The following TNKS variants were observed in gnomAD, a reference collection of about 807,000 sequenced individuals.
TNKS encodes the protein tankyrase.
In TNKS, 72 loss-of-function variants were observed where a neutral mutation model predicts 135.8. The observed-to-expected ratio is 0.53, with a 90% CI of 0.44 to 0.64. TNKS has a LOEUF of 0.64. TNKS is among the 30% of genes least tolerant of loss of function. TNKS has a pLI of 0.00. For missense variants in TNKS, 1,769 were observed against 1,674.0 expected (o/e 1.06, Z -0.99); for synonymous variants, 849 against 649.3 (o/e 1.31, Z -4.68).
At chr8:9,661,817 A>G (rs1801729009) in intron 3 of TNKS, among the ~76,000 whole-genome samples, 2 of 152,232 alleles carry the variant, frequency 1.3e-5, no homozygotes, top group South Asian at 4.2e-4. Flanking sequence ...ATGGGAGAAA[A>G]TTTTTTGCAA....
chr8:9,634,080 CAT>C (rs35243166), intron 3 of TNKS, among the ~76,000 whole-genome samples: 107,146 of 141,986 alleles, frequency 0.75, 40,673 homozygotes, highest in East Asian at 0.82. Flanking sequence ...CATTTAACTG[CAT>C]ATATATATAT....
intron 5 of TNKS, among the ~76,000 whole-genome samples, chr8:9,694,626 G>A (rs780508879): frequency 2.0e-5 from 3 of 152,014 alleles, no homozygotes; most frequent in Non-Finnish European, 4.4e-5. Context: ...GCCGGGTGTG[G>A]TGGTGGGCGC....
chr8:9,610,298 AAT>A (rs1554448489), intron 2 of TNKS, among the ~76,000 whole-genome samples: 10 of 142,206 alleles, frequency 7.0e-5, no homozygotes, highest in East Asian at 2.2e-4. Context: ...AAAAATCTAT[AAT>A]ATATATATAC....
At chr8:9,718,744 C>G (rs530328185) in intron 11 of TNKS, among the ~76,000 whole-genome samples, 2 of 152,266 alleles carry the variant, frequency 1.3e-5, no homozygotes, top group African/African-American at 2.4e-5. Flanking sequence ...ATGGATAGGT[C>G]AAGCCAGTCT....
chr8:9,733,804 A>G (rs1028517975), intron 15 of TNKS, among the ~76,000 whole-genome samples: 1 of 152,124 alleles, frequency 6.6e-6, no homozygotes, highest in African/African-American at 2.4e-5. Context: ...TGGCTATTTT[A>G]TTATTGTTAA....
chr8:9,579,649 A>G (rs552014303), intron 1 of TNKS, among the ~76,000 whole-genome samples: 94 of 152,090 alleles, frequency 6.2e-4, no homozygotes, highest in Non-Finnish European at 1.0e-3. Flanking sequence ...TTGTGGTTTT[A>G]TTAGAGACGG....
chr8:9,770,252 G>C lies in TNKS; in HGVS notation c.3887G>C (p.Arg1296Thr). 1.2e-6 allele frequency: 2 copies of C among 1,611,994 alleles called. No individual in the cohort carries two copies. Among genetic ancestry groups the C allele is most frequent in the Non-Finnish European group, 1.7e-6 (2 of 1,178,932 alleles). Residue 1296 changes from arginine to threonine, a missense_variant, in exon 26 of 27, where the codon AGA (arginine) becomes ACA (threonine). By Grantham distance (71) the Arg-to-Thr change is moderately conservative. Around this residue, in one of 5 missense-constraint regions of TNKS, gnomAD observed 722 missense variants for 688.9 expected, o/e 1.05. Transcript: ENST00000310430. ...GCATATGCTGAATATGTCATCTACA[G>C]AGGAGAACAGGTATGTTACTCATCA... ...GLAYAEYVIY[R>T]GEQAYPEYLI...
At chr8:9,583,115 A>C (rs911053541) in intron 2 of TNKS, among the ~76,000 whole-genome samples, 6 of 148,420 alleles carry the variant, frequency 4.0e-5, no homozygotes, top group African/African-American at 1.5e-4. Flanking sequence ...TGATGAGCTG[A>C]GATTGCACCA....
At chr8:9,747,072 G>A (rs1320873222) in intron 17 of TNKS, among the ~76,000 whole-genome samples, 2 of 151,574 alleles carry the variant, frequency 1.3e-5, no homozygotes, top group East Asian at 3.9e-4. Flanking sequence ...TGGTAGGGAC[G>A]GGGTTTCACT....
chr8:9,710,764 C>T (rs773450914), intron 11 of TNKS, among the ~76,000 whole-genome samples: 48 of 152,010 alleles, frequency 3.2e-4, no homozygotes, highest in Non-Finnish European at 5.3e-4. Flanking sequence ...GGCGTGGTGG[C>T]GGGTGCCTGT....
intron 1 of TNKS, among the ~76,000 whole-genome samples, chr8:9,578,951 A>G (rs1051884267): frequency 1.3e-5 from 2 of 152,168 alleles, no homozygotes; most frequent in African/African-American, 4.8e-5. Flanking sequence ...AATATTACCA[A>G]TGGCCATTGT....
intron 5 of TNKS, among the ~76,000 whole-genome samples, chr8:9,690,385 C>G (rs982038593): frequency 2.0e-5 from 3 of 152,188 alleles, no homozygotes; most frequent in Non-Finnish European, 4.4e-5. Flanking sequence ...TCAATCTTAT[C>G]TGCTCTTCTC....
intron 5 of TNKS, among the ~76,000 whole-genome samples, chr8:9,695,543 T>A (rs533260458): frequency 6.6e-6 from 1 of 152,256 alleles, no homozygotes; most frequent in East Asian, 1.9e-4. Context: ...TTCAGTTTCT[T>A]CTTAGAGTGA....
intron 17 of TNKS, among the ~76,000 whole-genome samples, chr8:9,742,582 G>C (rs1806023264): frequency 6.6e-6 from 1 of 151,552 alleles, no homozygotes; most frequent in African/African-American, 2.4e-5. Context: ...GTAAGGCTAG[G>C]CATGGTGGCT....
In TNKS at chr8:9,695,983, A is replaced by G. The variant is rs986461560; in HGVS notation, c.1108-8680A>G. Among the ~76,000 whole-genome samples, 45 of 152,358 alleles carry G rather than the reference A, an allele frequency of 3.0e-4. 1 individual carries two copies. Among genetic ancestry groups the G allele is most frequent in the African/African-American group, 9.6e-4 (40 of 41,590 alleles). On this transcript the variant is annotated intron_variant, in intron 5 of 26. Transcript: ENST00000310430. ...AGGAGAAAAGCATGAGAAGTCTTAC[A>G]TATATCATGTAGTGATGTCACATAG...
intron 5 of TNKS, among the ~76,000 whole-genome samples, chr8:9,701,440 G>T (rs1279088222): frequency 1.3e-5 from 2 of 152,256 alleles, no homozygotes; most frequent in East Asian, 3.9e-4. Context: ...TATTAGCTAT[G>T]TGCTATACTA....
intron 3 of TNKS, among the ~76,000 whole-genome samples, chr8:9,627,482 T>C (rs1272398126): frequency 6.6e-6 from 1 of 152,080 alleles, no homozygotes; most frequent in Non-Finnish European, 1.5e-5. Context: ...CATCTAATGC[T>C]GTCTCCAGGT....
At chr8:9,668,298 C>T (rs576725585) in intron 3 of TNKS, among the ~76,000 whole-genome samples, 1 of 152,082 alleles carries the variant, frequency 6.6e-6, no homozygotes, top group Admixed American at 6.5e-5. Context: ...TTTTTTGGGT[C>T]ATGGACCACT....
chr8:9,618,069 C>T (rs944283490), intron 3 of TNKS, among the ~76,000 whole-genome samples: 1 of 148,990 alleles, frequency 6.7e-6, no homozygotes, highest in African/African-American at 2.5e-5. Context: ...TCACTGCAAC[C>T]TCCGTCTCCC....
Sources: allele counts gnomAD v4.1 joint callset (sites outside exome capture counted in the v4.1 genomes callset), GRCh38; gene constraint gnomAD v4.1.1; regional missense constraint gnomAD v4.1.1; transcripts MANE v1.5; gene names NCBI Gene and HGNC (gene_info 2026-07-23, HGNC 2026-07-21).